WDR26: variants seen among roughly 807,000 people sequenced by gnomAD.
WDR26 encodes the protein WD repeat-containing protein 26.
A neutral mutation model predicts 84.1 loss-of-function variants in WDR26; 5 were observed. That is an observed-to-expected ratio of 0.06 (90% CI 0.03 to 0.13). WDR26 has a LOEUF of 0.13. WDR26 is among the 10% of genes least tolerant of loss of function. The pLI is 1.00. For missense variants in WDR26, 642 were observed against 974.9 expected (o/e 0.66, Z 4.55); for synonymous variants, 415 against 389.6 (o/e 1.07, Z -0.77).
At chr1:224,408,317 GCT>G (rs748163094) in intron 7 of WDR26, among the ~76,000 whole-genome samples, 30 of 152,182 alleles carry the variant, frequency 2.0e-4, no homozygotes, top group Admixed American at 5.2e-4. Flanking sequence ...GTTCCAGTAG[GCT>G]CTCTTTGATG....
At position 224,434,632 on chromosome 1, in the gene WDR26, CGCGGGGCGGCT is replaced by C. The variant is rs1674555891; in HGVS notation, c.-238_-228del. On this transcript the variant is annotated 5_prime_UTR_variant, in exon 1 of 14. Coordinates refer to ENST00000414423, the MANE Select transcript of WDR26 (RefSeq NM_001379403.1). ...GCCCGGGGGTCGCGCCGGGGGGCGC[CGCGGGGCGGCT>C]GCGGGGGCGCGGGGCCCGCCGCTGG... 1.3e-5 allele frequency: 8 copies of C among 614,508 alleles called. No individual in the cohort carries two copies. Among genetic ancestry groups the C allele is most frequent in the African/African-American group, 2.1e-5 (1 of 47,698 alleles). 38.1% of individuals were successfully genotyped at this position (614,508 alleles called of 1,614,324 possible).
chr1:224,424,887 T>C (rs184135718), intron 3 of WDR26, among the ~76,000 whole-genome samples: 1 of 152,282 alleles, frequency 6.6e-6, no homozygotes, highest in East Asian at 1.9e-4. Flanking sequence ...TAATCTCAAA[T>C]CAGACTAGAT....
chr1:224,405,703 A>G (rs767893897), intron 7 of WDR26, among the ~76,000 whole-genome samples: 1 of 152,232 alleles, frequency 6.6e-6, no homozygotes, highest in Non-Finnish European at 1.5e-5. Flanking sequence ...GGGGATTTGA[A>G]TCTGGGCTGC....
chr1:224,407,582 C>T (rs1673618348), intron 7 of WDR26, among the ~76,000 whole-genome samples: 1 of 149,268 alleles, frequency 6.7e-6, no homozygotes, highest in Admixed American at 6.7e-5. Flanking sequence ...AATCTCAATT[C>T]ATTGCACCCT....
intron 7 of WDR26, among the ~76,000 whole-genome samples, chr1:224,407,139 A>ATATATAT (rs1189132303): frequency 2.6e-5 from 1 of 38,410 alleles, no homozygotes; most frequent in African/African-American, 1.2e-4. Context: ...AAAAAAAAAA[A>ATATATAT]AAAAAAAAAA....
At chr1:224,419,133 G>A (rs1266686780) in intron 5 of WDR26, among the ~76,000 whole-genome samples, 2 of 152,120 alleles carry the variant, frequency 1.3e-5, no homozygotes, top group Non-Finnish European at 2.9e-5. Context: ...TAACATGGTT[G>A]GGGAAGAATA....
At chr1:224,391,592 T>C (rs1258957354) in intron 13 of WDR26, among the ~76,000 whole-genome samples, 1 of 152,126 alleles carries the variant, frequency 6.6e-6, no homozygotes, top group African/African-American at 2.4e-5. Context: ...AGTGGCATGA[T>C]CATAGCTCAC....
rs1222985067 is a variant in WDR26 at position 224,398,953 on chromosome 1, G to A, written c.1801C>T (p.Leu601=). ...ATTCGCTGGTGTGTATCTGATGCCA[G>A]AACAGTCTTTCCATCACTCAAGCAC... Residue 601 remains leucine, a synonymous_variant, in exon 10 of 14, where the codon CTG becomes TTG. Coordinates refer to ENST00000414423, the MANE Select transcript of WDR26 (RefSeq NM_001379403.1). 4 of 1,613,324 alleles carry A rather than the reference G, an allele frequency of 2.5e-6. No homozygotes were observed. Among genetic ancestry groups the A allele is most frequent in the Non-Finnish European group, 3.4e-6 (4 of 1,179,744 alleles).
At chr1:224,421,853 T>TTC (rs1342768898) in intron 4 of WDR26, among the ~76,000 whole-genome samples, 2 of 152,186 alleles carry the variant, frequency 1.3e-5, no homozygotes, top group Admixed American at 1.3e-4. Context: ...AAACCAGGCT[T>TTC]TGAGTCCTGC....
intron 8 of WDR26, among the ~76,000 whole-genome samples, chr1:224,401,798 A>G (rs1231771944): frequency 6.6e-6 from 1 of 151,958 alleles, no homozygotes; most frequent in East Asian, 1.9e-4. Context: ...TGCTCACAAT[A>G]TAGTAGGGAA....
At chr1:224,414,108 G>C (rs1262075493) in intron 6 of WDR26, among the ~76,000 whole-genome samples, 1 of 141,928 alleles carries the variant, frequency 7.0e-6, no homozygotes, top group East Asian at 2.1e-4. Flanking sequence ...CACCACGCCC[G>C]GCCTGTTTTT....
At chr1:224,407,152 ATATAT>A (rs376642612) in intron 7 of WDR26, among the ~76,000 whole-genome samples, 2 of 12,668 alleles carry the variant, frequency 1.6e-4, no homozygotes, top group African/African-American at 2.0e-4. Context: ...AAAAAAAAAA[ATATAT>A]ATATATATAT....
chr1:224,401,886 T>C (rs1258377527), intron 8 of WDR26: 1 of 152,122 alleles, frequency 6.6e-6, no homozygotes, highest in African/African-American at 2.4e-5. Context: ...GGAACCTGTG[T>C]ACTGTTTAAC....
chr1:224,404,689 G>A, intron 7 of WDR26, 119 bp from the exon 8 acceptor site: 2 of 1,271,012 alleles, frequency 1.6e-6, no homozygotes, highest in Non-Finnish European at 2.1e-6. Context: ...GAAATTTTCA[G>A]ACCAATTTTC....
At chr1:224,393,743 C>T (rs1261558116) in intron 13 of WDR26, 85 bp downstream of exon 13, 1 of 1,169,326 alleles carries the variant, frequency 8.6e-7, no homozygotes, top group Non-Finnish European at 1.2e-6. Flanking sequence ...TTTAAATAAA[C>T]TTGCTTAAAA....
chr1:224,391,379 A>C (rs1238562054), intron 13 of WDR26, among the ~76,000 whole-genome samples: 18 of 106,888 alleles, frequency 1.7e-4, no homozygotes, highest in African/African-American at 6.2e-4. Context: ...AAAAAAAAAA[A>C]AAAACAAAAA....
chr1:224,423,919 T>G (rs1400169576), intron 4 of WDR26, among the ~76,000 whole-genome samples: 4 of 152,136 alleles, frequency 2.6e-5, no homozygotes, highest in Non-Finnish European at 4.4e-5. Flanking sequence ...GATCAAACCT[T>G]TGGGTACTCT....
intron 5 of WDR26, among the ~76,000 whole-genome samples, chr1:224,419,279 G>A (rs1387926305): frequency 1.3e-5 from 2 of 152,026 alleles, no homozygotes; most frequent in African/African-American, 2.4e-5. Flanking sequence ...AATCTTAAGG[G>A]GGAACATCAT....
chr1:224,413,165 G>T (rs1288955504), intron 6 of WDR26: 3 of 510,702 alleles, frequency 5.9e-6, no homozygotes, highest in African/African-American at 2.0e-5. Flanking sequence ...CTCCAGCCTG[G>T]GTGACAGAGT....
Sources: allele counts gnomAD v4.1 joint callset (sites outside exome capture counted in the v4.1 genomes callset), GRCh38; gene constraint gnomAD v4.1.1; transcripts MANE v1.5; gene names NCBI Gene and HGNC (gene_info 2026-07-23, HGNC 2026-07-21).